Variants in GALNTL6 observed in about 807,000 individuals in gnomAD.
The protein encoded by GALNTL6 is polypeptide N-acetylgalactosaminyltransferase-like 6.
Under a neutral mutation model 73.7 loss-of-function variants are expected in GALNTL6, and 46 were observed. That is an observed-to-expected ratio of 0.62 (90% CI 0.49 to 0.80). The LOEUF is 0.80. Among genes scored for constraint, GALNTL6 ranks in the 30% least tolerant of loss-of-function variants. GALNTL6 has a pLI of 0.00. For missense variants in GALNTL6, 604 were observed against 755.0 expected (o/e 0.80, Z 2.34); for synonymous variants, 259 against 263.7 (o/e 0.98, Z 0.17).
chr4:172,398,372 T>C (rs1743922536), intron 5 of GALNTL6, among the ~76,000 whole-genome samples: 2 of 152,316 alleles, frequency 1.3e-5, no homozygotes, highest in South Asian at 4.1e-4. Flanking sequence ...ATATATTAAA[T>C]GGCATTTATG....
intron 7 of GALNTL6, among the ~76,000 whole-genome samples, chr4:172,880,455 C>T (rs192168782): frequency 5.3e-5 from 8 of 152,036 alleles, no homozygotes; most frequent in Admixed American, 5.2e-4. Flanking sequence ...GTAGAAAATG[C>T]CAACTAATCT....
chr4:172,130,181 ATTTTTTTT>A (rs34151025), intron 2 of GALNTL6, among the ~76,000 whole-genome samples: 1 of 130,250 alleles, frequency 7.7e-6, no homozygotes, highest in African/African-American at 2.9e-5. Flanking sequence ...TCATTACAGA[ATTTTTTTT>A]TTTTTTTTTT....
At chr4:172,491,038 CAA>C (rs11321007) in intron 5 of GALNTL6, among the ~76,000 whole-genome samples, 59 of 151,220 alleles carry the variant, frequency 3.9e-4, no homozygotes, top group African/African-American at 1.4e-3. Context: ...AAAACAAAGA[CAA>C]AAAAAAAACT....
intron 5 of GALNTL6, among the ~76,000 whole-genome samples, chr4:172,790,207 A>T (rs75742532): frequency 3.3e-5 from 5 of 152,168 alleles, no homozygotes; most frequent in Admixed American, 6.5e-5. Context: ...TTATCTATTT[A>T]TTGTGGTCCC....
At chr4:172,308,164 AATGAATTTTT>A (rs2111137256) in intron 3 of GALNTL6, among the ~76,000 whole-genome samples, 2 of 120,222 alleles carry the variant, frequency 1.7e-5, no homozygotes, top group African/African-American at 7.3e-5. Flanking sequence ...TTTACCAGTA[AATGAATTTTT>A]ACTGTTTACT....
At chr4:171,855,756 C>A (rs1383885080) in intron 2 of GALNTL6, among the ~76,000 whole-genome samples, 2 of 152,198 alleles carry the variant, frequency 1.3e-5, no homozygotes, top group African/African-American at 4.8e-5. Context: ...TACTCCACAT[C>A]CTCACTGGCA....
chr4:172,022,719 C>A (rs955609331), intron 2 of GALNTL6, among the ~76,000 whole-genome samples: 3 of 151,776 alleles, frequency 2.0e-5, no homozygotes, highest in African/African-American at 7.2e-5. Flanking sequence ...ACCCTCCATT[C>A]CTTGGTGAAT....
intron 3 of GALNTL6, among the ~76,000 whole-genome samples, chr4:172,283,263 A>C (rs900692405): frequency 2.0e-5 from 3 of 152,192 alleles, no homozygotes; most frequent in African/African-American, 4.8e-5. Flanking sequence ...GTTAAAAGAA[A>C]TCAAACTGTA....
intron 2 of GALNTL6, among the ~76,000 whole-genome samples, chr4:171,900,828 C>G (rs1259901606): frequency 1.3e-5 from 2 of 152,038 alleles, no homozygotes. Context: ...TAAGGTTAGA[C>G]TATTCCACAA....
intron 4 of GALNTL6, among the ~76,000 whole-genome samples, chr4:172,335,855 A>C (rs1741297724): frequency 6.6e-6 from 1 of 152,148 alleles, no homozygotes; most frequent in African/African-American, 2.4e-5. Context: ...AATAAAGCTA[A>C]TGGTCTATTG....
Position 172,899,087 on chromosome 4 carries a change from A to G in GALNTL6, c.1041+16180A>G, listed in dbSNP as rs115661771. 6.7e-3 allele frequency among the ~76,000 whole-genome samples: 1,019 copies of G among 152,316 alleles called. 15 individuals are homozygous for G. The highest frequency in any genetic ancestry group is 0.023 in the African/African-American group (967 of 41,578). ...TTGTAAGCCCTTAAAAGGGACAGGA[A>G]TAGCTCATTCAGGGAGCTTGGTTTT... On this transcript the variant is annotated intron_variant, in intron 8 of 12. Coordinates refer to ENST00000506823, the MANE Select transcript of GALNTL6 (RefSeq NM_001034845.3).
intron 2 of GALNTL6, among the ~76,000 whole-genome samples, chr4:172,137,643 A>G (rs1238321290): frequency 2.6e-5 from 4 of 152,218 alleles, no homozygotes; most frequent in African/African-American, 9.6e-5. Context: ...CAAGAAAAAA[A>G]GCCAAAAAAC....
At chr4:172,886,394 T>G (rs1745719391) in intron 8 of GALNTL6, among the ~76,000 whole-genome samples, 5 of 149,748 alleles carry the variant, frequency 3.3e-5, no homozygotes, top group Admixed American at 2.6e-4. Flanking sequence ...GTCTCCTTTT[T>G]CATTTCTGAT....
chr4:172,966,294 G>A (rs1031411230), intron 10 of GALNTL6, among the ~76,000 whole-genome samples: 2 of 152,210 alleles, frequency 1.3e-5, no homozygotes, highest in East Asian at 1.9e-4. Context: ...TAAACATCCA[G>A]TAACCATCCA....
chr4:172,965,289 A>G (rs1750271722), intron 10 of GALNTL6, among the ~76,000 whole-genome samples: 1 of 152,184 alleles, frequency 6.6e-6, no homozygotes, highest in Non-Finnish European at 1.5e-5. Context: ...AAAGTGTCCT[A>G]TAATAAACAC....
chr4:172,073,322 G>C, intron 2 of GALNTL6, among the ~76,000 whole-genome samples: 1 of 152,094 alleles, frequency 6.6e-6, no homozygotes, highest in East Asian at 1.9e-4. Flanking sequence ...CCATTTTTCT[G>C]ATTCACTGAC....
At chr4:172,149,197 A>G (rs565993273) in intron 2 of GALNTL6, among the ~76,000 whole-genome samples, 93 of 152,354 alleles carry the variant, frequency 6.1e-4, no homozygotes, top group Middle Eastern at 3.4e-3. Context: ...ACACATATAC[A>G]TATAATATCC....
chr4:172,369,623 G>C (rs1420976987), intron 5 of GALNTL6, among the ~76,000 whole-genome samples: 1 of 152,210 alleles, frequency 6.6e-6, no homozygotes, highest in Non-Finnish European at 1.5e-5. Context: ...CCATGGGAAG[G>C]CGGCTGAGGC....
At chr4:172,263,978 G>A (rs1738345476) in intron 3 of GALNTL6, among the ~76,000 whole-genome samples, 1 of 151,442 alleles carries the variant, frequency 6.6e-6, no homozygotes, top group Non-Finnish European at 1.5e-5. Flanking sequence ...GTCTCCAGAT[G>A]TATCTTAGCT....
Sources: allele counts gnomAD v4.1 joint callset (sites outside exome capture counted in the v4.1 genomes callset), GRCh38; gene constraint gnomAD v4.1.1; transcripts MANE v1.5; gene names NCBI Gene and HGNC (gene_info 2026-07-23, HGNC 2026-07-21).